PAK6: variants seen among roughly 807,000 people sequenced by gnomAD.
PAK6 encodes the protein p21 (RAC1) activated kinase 6.
PAK6 carries 33 observed loss-of-function variants against 60.8 expected under a neutral mutation model. That is an observed-to-expected ratio of 0.54 (90% CI 0.41 to 0.73). The LOEUF is 0.73. Ranked by LOEUF, PAK6 falls within the 30% of genes least tolerant of loss-of-function variation. PAK6 has a pLI of 0.00. For synonymous variants in PAK6, 404 were observed against 378.5 expected, an observed-to-expected ratio of 1.07 and a Z score of -0.78; for missense variants, 845 against 904.1, an observed-to-expected ratio of 0.93 and a Z score of 0.84.
chr15:40,271,278 G>C (rs951900714), intron 5 of PAK6, among the ~76,000 whole-genome samples: 1 of 152,214 alleles, frequency 6.6e-6, no homozygotes, highest in Admixed American at 6.5e-5. Context: ...GCTCGGAAAA[G>C]CAAGAAGCCT....
chr15:40,273,849 C>T, intron 9 of PAK6, 173 bp downstream of exon 9: 2 of 817,090 alleles, frequency 2.4e-6, no homozygotes, highest in Non-Finnish European at 1.9e-6. Flanking sequence ...GACTTTGCTG[C>T]CAGGAACGAG....
intron 3 of PAK6, among the ~76,000 whole-genome samples, chr15:40,261,802 T>C (rs966401623): frequency 6.6e-6 from 1 of 152,150 alleles, no homozygotes; most frequent in African/African-American, 2.4e-5. Context: ...TGATTGCTTC[T>C]GCCAACTCCC....
intron 3 of PAK6, among the ~76,000 whole-genome samples, chr15:40,256,503 G>T (rs2038838268): frequency 6.6e-6 from 1 of 152,204 alleles, no homozygotes; most frequent in Non-Finnish European, 1.5e-5. Flanking sequence ...ACAGGTTGGT[G>T]ATGGTAGTAG....
intron 2 of PAK6, chr15:40,252,050 G>A (rs370433832): frequency 1.0e-4 from 25 of 247,324 alleles, no homozygotes; most frequent in South Asian, 7.8e-4. Flanking sequence ...AAGGGAACTG[G>A]AATCCCTTAA....
chr15:40,264,748 G>C (rs755390411), intron 3 of PAK6, 33 bp from the exon 4 acceptor site: 1 of 1,598,716 alleles, frequency 6.3e-7, no homozygotes, highest in Admixed American at 1.7e-5. Flanking sequence ...CCTCTTTCCC[G>C]GGAGGGAGCT....
At position 40,255,174 on chromosome 15, in the gene PAK6, C is replaced by G. The variant is rs113688470; in HGVS notation, c.-6+1885C>G. On this transcript the variant is annotated intron_variant, in intron 3 of 10. Transcript: ENST00000560346. Reference sequence around the variant, plus strand: ...GACCCTATGCTAAGGACTCAGACCTCTGTGTGCAGAGGCTGTTGAGAATCT... The same window carrying G: ...GACCCTATGCTAAGGACTCAGACCTGTGTGTGCAGAGGCTGTTGAGAATCT... Among the ~76,000 whole-genome samples the G allele has an allele frequency of 1.1e-3, 166 of 152,304 alleles. 5 individuals carry two copies. Among genetic ancestry groups the G allele is most frequent in the African/African-American group, 3.9e-3 (163 of 41,562 alleles).
Position 40,275,826 on chromosome 15 carries a change from C to A in PAK6, c.1879-101C>A, listed in dbSNP as rs986994274. On this transcript the variant is annotated intron_variant, in intron 10 of 10. Transcript: ENST00000560346. ...GACAAGGGAACAGGAAGTTAAAAAA[C>A]CAGCGAATTCATGACTTTCAAACAA... 3 of 1,155,182 alleles carry A rather than the reference C, an allele frequency of 2.6e-6. No individual in the cohort carries two copies. The South Asian group carries it at 4.2e-5, about 16-fold the overall frequency. The allele number at this position is 1,155,182 out of a possible 1,614,324, so 71.6% of individuals were successfully genotyped here.
At chr15:40,257,801 C>T (rs546290362) in intron 3 of PAK6, among the ~76,000 whole-genome samples, 1 of 152,116 alleles carries the variant, frequency 6.6e-6, no homozygotes, top group Non-Finnish European at 1.5e-5. Flanking sequence ...GGAGGGTGGC[C>T]CACCCACAGT....
At chr15:40,248,361 G>A (rs1429986990) in intron 2 of PAK6, among the ~76,000 whole-genome samples, 3 of 152,190 alleles carry the variant, frequency 2.0e-5, no homozygotes, top group African/African-American at 7.2e-5. Flanking sequence ...GGGAGGAAGG[G>A]ATTTTCTCCC....
exon 5 of PAK6, chr15:40,265,925 C>T: frequency 6.2e-7 from 1 of 1,605,590 alleles, no homozygotes; most frequent in Non-Finnish European, 8.5e-7. Flanking sequence ...CAGTCATCAG[C>T]TCCAACACCC....
intron 5 of PAK6, chr15:40,266,922 G>A (rs1464355422): frequency 6.0e-6 from 1 of 165,878 alleles, no homozygotes; most frequent in Non-Finnish European, 1.3e-5. Flanking sequence ...GCTTCTTCCA[G>A]GCCCTCCAGC....
exon 11 of PAK6, chr15:40,277,263 C>G (rs1164404511): frequency 6.6e-6 from 1 of 152,424 alleles, no homozygotes; most frequent in Non-Finnish European, 1.5e-5. Context: ...TTCAGGGCTG[C>G]TGTGAGATGG....
At chr15:40,248,163 C>T (rs564840634) in intron 2 of PAK6, among the ~76,000 whole-genome samples, 20 of 152,320 alleles carry the variant, frequency 1.3e-4, no homozygotes, top group South Asian at 8.3e-4. Flanking sequence ...AGCTAGACTC[C>T]GTCAACTTCC....
intron 4 of PAK6, among the ~76,000 whole-genome samples, 171 bp from the exon 5 acceptor site, chr15:40,265,671 G>A (rs892655351): frequency 1.1e-4 from 16 of 152,218 alleles, no homozygotes; most frequent in Non-Finnish European, 4.4e-5. Flanking sequence ...GGGACCCACG[G>A]TGGGCCCTGA....
chr15:40,275,010 T>C (rs1473172375), intron 10 of PAK6, among the ~76,000 whole-genome samples: 1 of 152,118 alleles, frequency 6.6e-6, no homozygotes, highest in Non-Finnish European at 1.5e-5. Flanking sequence ...GGAAACATCT[T>C]CCAAGACAAC....
chr15:40,272,316 C>A (rs750197876), exon 6 of PAK6: 1 of 1,614,022 alleles, frequency 6.2e-7, no homozygotes, highest in South Asian at 1.1e-5. Flanking sequence ...CGGTGGGGAC[C>A]TTCAGCCCTC....
intron 2 of PAK6, chr15:40,252,949 G>A: frequency 1.1e-6 from 1 of 912,646 alleles, no homozygotes; most frequent in Non-Finnish European, 1.4e-6. Context: ...GGCCGCGCCG[G>A]GTCGGAGTGT....
At chr15:40,271,971 G>A (rs761074604) in intron 5 of PAK6, among the ~76,000 whole-genome samples, 1 of 152,228 alleles carries the variant, frequency 6.6e-6, no homozygotes, top group Non-Finnish European at 1.5e-5. Context: ...CTTCCCAGGT[G>A]CAGCAGAGCG....
At chr15:40,275,814 G>A (rs759606909) in intron 10 of PAK6, 113 bp from the exon 11 acceptor site, 7 of 995,134 alleles carry the variant, frequency 7.0e-6, no homozygotes, top group Non-Finnish European at 1.5e-6. Flanking sequence ...AAGGGAACAG[G>A]AAGTTAAAAA....
Sources: allele counts gnomAD v4.1 joint callset (sites outside exome capture counted in the v4.1 genomes callset), GRCh38; gene constraint gnomAD v4.1.1; transcripts MANE v1.5; gene names NCBI Gene and HGNC (gene_info 2026-07-23, HGNC 2026-07-21).